The following TYW1B variants were observed in gnomAD, a reference collection of about 807,000 sequenced individuals.
The protein encoded by TYW1B is tRNA-yW synthesizing protein 1 homolog B, also known as S-adenosyl-L-methionine-dependent tRNA 4-demethylwyosine synthase TYW1B.
Under a neutral mutation model 86.9 loss-of-function variants are expected in TYW1B, and 73 were observed. The ratio of observed to expected loss-of-function variants is 0.84; its 90% confidence interval spans 0.70 to 1.02. The LOEUF (loss-of-function observed/expected upper bound fraction) is 1.02. TYW1B is among the 50% of genes least tolerant of loss of function. The pLI, the probability that TYW1B is intolerant of heterozygous loss-of-function variation, is 0.00. For missense variants in TYW1B, 637 were observed against 827.4 expected, an observed-to-expected ratio of 0.77 and a Z score of 2.82; for synonymous variants, 248 against 292.8, an observed-to-expected ratio of 0.85 and a Z score of 1.56.
intron 13 of TYW1B, among the ~76,000 whole-genome samples, chr7:72,589,558 A>C (rs782019139): frequency 6.6e-6 from 1 of 152,204 alleles, no homozygotes; most frequent in Non-Finnish European, 1.5e-5. Flanking sequence ...GTGAACTGAG[A>C]AAGTGGTATG....
chr7:72,609,715 G>A (rs1204132877), intron 13 of TYW1B, among the ~76,000 whole-genome samples: 1 of 152,092 alleles, frequency 6.6e-6, no homozygotes, highest in Non-Finnish European at 1.5e-5. Context: ...CCTGAGAAGT[G>A]ACTACTTCCT....
At chr7:72,718,686 T>A (rs1554456724) in intron 9 of TYW1B, among the ~76,000 whole-genome samples, 1 of 152,226 alleles carries the variant, frequency 6.6e-6, no homozygotes, top group East Asian at 1.9e-4. Context: ...ACAAGGTTTT[T>A]AAATAAAATT....
At chr7:72,698,602 C>T (rs769316191) in intron 10 of TYW1B, among the ~76,000 whole-genome samples, 2 of 149,182 alleles carry the variant, frequency 1.3e-5, no homozygotes, top group African/African-American at 5.0e-5. Flanking sequence ...GCCGAGATCA[C>T]GCCACTGTAC....
chr7:72,582,447 C>T (rs150883263), intron 13 of TYW1B, among the ~76,000 whole-genome samples: 2 of 152,136 alleles, frequency 1.3e-5, no homozygotes, highest in Non-Finnish European at 2.9e-5. Flanking sequence ...GAATAGTTTC[C>T]AGCCAAGAAT....
chr7:72,749,536 C>T (rs1360408968), intron 7 of TYW1B, among the ~76,000 whole-genome samples: 4 of 152,180 alleles, frequency 2.6e-5, no homozygotes, highest in African/African-American at 9.6e-5. Context: ...TCGTGATCTG[C>T]CCACCCCGGC....
At chr7:72,819,106 G>T (rs1269543643) in intron 2 of TYW1B, among the ~76,000 whole-genome samples, 1 of 152,116 alleles carries the variant, frequency 6.6e-6, no homozygotes, top group African/African-American at 2.4e-5. Context: ...TATCCCAGGC[G>T]GCAGGAACAG....
At chr7:72,628,737 G>C in intron 12 of TYW1B, 150 bp downstream of exon 12, 1 of 627,558 alleles carries the variant, frequency 1.6e-6, no homozygotes, top group Admixed American at 3.1e-5. Flanking sequence ...ACAATTCCAG[G>C]TTCTTGATGA....
intron 3 of TYW1B, among the ~76,000 whole-genome samples, chr7:72,813,248 T>C (rs1788658200): frequency 6.7e-6 from 1 of 149,712 alleles, no homozygotes; most frequent in Non-Finnish European, 1.5e-5. Flanking sequence ...CAATCTCGGC[T>C]CACTGCGACC....
chr7:72,624,950 T>C (rs1812306274), intron 12 of TYW1B, among the ~76,000 whole-genome samples: 1 of 151,922 alleles, frequency 6.6e-6, no homozygotes, highest in Non-Finnish European at 1.5e-5. Context: ...TCCCAGCTAT[T>C]TGGGTGGCGG....
intron 11 of TYW1B, among the ~76,000 whole-genome samples, chr7:72,655,470 C>T (rs1266682401): frequency 6.6e-6 from 1 of 152,176 alleles, no homozygotes; most frequent in Non-Finnish European, 1.5e-5. Context: ...CCAATAGCCC[C>T]TGCATCTCCA....
chr7:72,672,473 AACACACACACAC>A (rs57744814), intron 11 of TYW1B, among the ~76,000 whole-genome samples: 15 of 140,780 alleles, frequency 1.1e-4, no homozygotes, highest in Admixed American at 5.0e-4. Flanking sequence ...TACACACACA[AACACACACACAC>A]ACACACACAC....
Position 72,744,502 on chromosome 7 carries a change from T to G in TYW1B, c.1064A>C (p.Lys355Thr), listed in dbSNP as rs1295175674. The change falls in exon 8 of 14, where the codon AAA becomes ACA. Residue 355 changes from lysine (K) to threonine (T), a missense_variant. By Grantham distance (78) the Lys-to-Thr change is moderately conservative. Coordinates refer to ENST00000620995, the MANE Select transcript of TYW1B (RefSeq NM_001145440.3). ...TACTTACCACCAACAGAAGACACATTTATTAGCACACGCCAAGCTCGGGGT... is the reference window on the plus strand; with the variant it reads ...TACTTACCACCAACAGAAGACACATGTATTAGCACACGCCAAGCTCGGGGT... Reference protein sequence around the residue: ...ETTPSLACANKCVFCWWHHNN... With the variant: ...ETTPSLACANTCVFCWWHHNN... 3.1e-6 allele frequency: 5 copies of G among 1,612,654 alleles called. No homozygotes were observed. The African/African-American group carries it at 5.4e-5, about 17-fold the overall frequency.
rs1554439421 is a variant in TYW1B at position 72,629,000 on chromosome 7, A to G, written c.1507-3T>C. 1.5e-5 allele frequency: 24 copies of G among 1,584,642 alleles called. No homozygotes were observed. The highest frequency in any genetic ancestry group is 2.1e-5 in the Non-Finnish European group (24 of 1,165,322). ...AGTCTGTAGACAGTTCGTTGTTGCT[A>G]AAACAAAGGAAAAGCCAACTTCGTT... On this transcript the variant is annotated splice_region_variant and splice_polypyrimidine_tract_variant and intron_variant, in intron 11 of 13. Transcript: ENST00000620995.
intron 7 of TYW1B, among the ~76,000 whole-genome samples, chr7:72,755,885 G>A (rs1787577835): frequency 6.6e-6 from 1 of 152,160 alleles, no homozygotes; most frequent in Admixed American, 6.6e-5. Context: ...TATTAGGAAG[G>A]ACCACCAAGG....
chr7:72,805,966 T>C (rs1385315150), intron 5 of TYW1B, among the ~76,000 whole-genome samples: 2 of 151,720 alleles, frequency 1.3e-5, no homozygotes, highest in Non-Finnish European at 2.9e-5. Flanking sequence ...TCAAAGGAAT[T>C]GGGGTATTTA....
At chr7:72,800,985 G>C (rs1180409506) in intron 6 of TYW1B, among the ~76,000 whole-genome samples, 3 of 152,072 alleles carry the variant, frequency 2.0e-5, no homozygotes, top group African/African-American at 7.2e-5. Flanking sequence ...TATCATTCAG[G>C]AATGTTTTAA....
intron 7 of TYW1B, among the ~76,000 whole-genome samples, chr7:72,745,508 G>C (rs1787378313): frequency 6.6e-6 from 1 of 152,036 alleles, no homozygotes; most frequent in South Asian, 2.1e-4. Flanking sequence ...GATCAACTAG[G>C]GATGGAATCA....
chr7:72,685,121 A>G (rs1437840477), intron 11 of TYW1B, among the ~76,000 whole-genome samples: 2 of 151,956 alleles, frequency 1.3e-5, no homozygotes, highest in African/African-American at 4.8e-5. Context: ...CGAAAAAAAA[A>G]AAAAAAGAAA....
chr7:72,665,578 G>A (rs35393042), intron 11 of TYW1B, among the ~76,000 whole-genome samples: 4 of 152,138 alleles, frequency 2.6e-5, no homozygotes, highest in Admixed American at 2.6e-4. Context: ...ACAAGTACCT[G>A]TAATTGTAGT....
Sources: gnomAD v4.1 joint callset for allele counts (sites outside exome capture counted in the v4.1 genomes callset) on GRCh38, gnomAD v4.1.1 for gene constraint, MANE v1.5 for transcripts, NCBI Gene and HGNC (gene_info 2026-07-23, HGNC 2026-07-21) for gene names.